Variants in ELOVL5 observed in about 807,000 individuals in gnomAD.
ELOVL5 encodes ELOVL fatty acid elongase 5, also known as very long chain fatty acid elongase 5.
A neutral mutation model predicts 38.6 loss-of-function variants in ELOVL5; 8 were observed. The observed-to-expected ratio is 0.21, with a 90% CI of 0.12 to 0.37. The LOEUF is 0.37. Ranked by LOEUF, ELOVL5 falls within the 10% of genes least tolerant of loss-of-function variation. The probability of loss-of-function intolerance (pLI) is 1.00; values close to 1 mark genes in which losing one functional copy is unlikely to be tolerated. For synonymous variants in ELOVL5, 127 were observed against 133.7 expected (o/e 0.95, Z 0.34); for missense variants, 280 against 367.8 (o/e 0.76, Z 1.95).
At chr6:53,333,582 G>T (rs1403689774) in intron 1 of ELOVL5, among the ~76,000 whole-genome samples, 2 of 152,092 alleles carry the variant, frequency 1.3e-5, no homozygotes, top group African/African-American at 4.8e-5. Flanking sequence ...TAATGTAAAT[G>T]AATACTCACA....
intron 1 of ELOVL5, among the ~76,000 whole-genome samples, chr6:53,336,603 A>G (rs186983246): frequency 2.3e-4 from 35 of 152,302 alleles, no homozygotes; most frequent in African/African-American, 8.2e-4. Flanking sequence ...TTGAGGCTGC[A>G]ATGAGCTGAG....
At chr6:53,310,187 G>A (rs1489537012) in intron 1 of ELOVL5, among the ~76,000 whole-genome samples, 1 of 152,208 alleles carries the variant, frequency 6.6e-6, no homozygotes, top group Non-Finnish European at 1.5e-5. Context: ...GAACTGGGAA[G>A]AGAAGTGAAA....
chr6:53,348,358 C>T (rs1169428994), intron 1 of ELOVL5, among the ~76,000 whole-genome samples: 2 of 151,874 alleles, frequency 1.3e-5, no homozygotes, highest in East Asian at 2.0e-4. Flanking sequence ...ACCCGGGTTT[C>T]GCCGACTCCA....
chr6:53,348,291 A>G (rs562985686), intron 1 of ELOVL5, among the ~76,000 whole-genome samples: 1 of 152,228 alleles, frequency 6.6e-6, no homozygotes, highest in South Asian at 2.1e-4. Context: ...GAAAGGCCGG[A>G]GAGTCCCCCC....
At chr6:53,299,231 AC>A (rs140814616) in intron 1 of ELOVL5, among the ~76,000 whole-genome samples, 1,839 of 152,376 alleles carry the variant, frequency 0.012, 25 homozygotes, top group African/African-American at 0.041. Context: ...CAAAATTCAA[AC>A]AAAAGTATTC....
At chr6:53,272,360 C>G (rs142572520) in intron 6 of ELOVL5, among the ~76,000 whole-genome samples, 1 of 152,212 alleles carries the variant, frequency 6.6e-6, no homozygotes, top group African/African-American at 2.4e-5. Context: ...TGGTCTTAAA[C>G]TCCTGGCCTC....
chr6:53,342,260 G>A (rs1248399158), intron 1 of ELOVL5, among the ~76,000 whole-genome samples: 1 of 152,186 alleles, frequency 6.6e-6, no homozygotes, highest in Non-Finnish European at 1.5e-5. Context: ...TACCCCTAGG[G>A]AGATACATCA....
In ELOVL5 at chr6:53,274,325, C is replaced by CT. The variant is rs901792670; in HGVS notation, c.496+764dup. ...ACCCAAAGGATCTGTATTTGGAAAGCTTTTTTTTTTTCCTAGCTCTGGAAT... is the reference window on the plus strand; with the variant it reads ...ACCCAAAGGATCTGTATTTGGAAAGCTTTTTTTTTTTTCCTAGCTCTGGAAT... On this transcript the variant is annotated intron_variant, in intron 5 of 7. Transcript: ENST00000304434. Among the ~76,000 whole-genome samples, 339 of 147,312 alleles carry CT rather than the reference C, an allele frequency of 2.3e-3. 1 individual carries two copies. Among genetic ancestry groups the CT allele is most frequent in the Middle Eastern group, 7.1e-3 (2 of 280 alleles).
chr6:53,294,764 T>C (rs1344045958), intron 2 of ELOVL5, among the ~76,000 whole-genome samples: 1 of 152,168 alleles, frequency 6.6e-6, no homozygotes, highest in African/African-American at 2.4e-5. Flanking sequence ...CTGACAGGCA[T>C]CCAGATGATT....
At chr6:53,314,787 G>T (rs545924352) in intron 1 of ELOVL5, among the ~76,000 whole-genome samples, 1 of 152,232 alleles carries the variant, frequency 6.6e-6, no homozygotes, top group African/African-American at 2.4e-5. Flanking sequence ...TGAAAGGCAA[G>T]AACATTTTAC....
chr6:53,335,524 T>C (rs1383317466), intron 1 of ELOVL5, among the ~76,000 whole-genome samples: 1 of 151,906 alleles, frequency 6.6e-6, no homozygotes, highest in East Asian at 1.9e-4. Flanking sequence ...CTGATTTAGG[T>C]GTCCTTCCTG....
At chr6:53,293,429 T>C (rs1194577490) in intron 2 of ELOVL5, among the ~76,000 whole-genome samples, 7 of 152,208 alleles carry the variant, frequency 4.6e-5, no homozygotes, top group African/African-American at 1.2e-4. Flanking sequence ...GCGATTCTCC[T>C]GCCTTAGCCT....
intron 1 of ELOVL5, among the ~76,000 whole-genome samples, chr6:53,323,850 G>A (rs866260927): frequency 2.6e-5 from 4 of 152,072 alleles, no homozygotes; most frequent in East Asian, 3.9e-4. Flanking sequence ...CGACCATTAC[G>A]GGCATGGGCC....
chr6:53,305,019 T>C (rs1309496628), intron 1 of ELOVL5, among the ~76,000 whole-genome samples: 1 of 149,374 alleles, frequency 6.7e-6, no homozygotes, highest in Non-Finnish European at 1.5e-5. Context: ...GAGGCGCCCC[T>C]CACCTCCCGG....
At position 53,270,728 on chromosome 6, in the gene ELOVL5, C is replaced by G; in HGVS notation, c.622-1G>C. The G allele has an allele frequency of 6.2e-7, 1 of 1,614,100 alleles. No homozygotes were observed. Among genetic ancestry groups the G allele is most frequent in the Non-Finnish European group, 8.5e-7 (1 of 1,179,992 alleles). On this transcript the variant is annotated splice_acceptor_variant, in intron 6 of 7. Coordinates refer to ENST00000304434, the MANE Select transcript of ELOVL5 (RefSeq NM_021814.5). LOFTEE classifies it high-confidence loss of function. ...GGATGATTGTCAGCACAAACTGAAG[C>G]TAGGGGAACAGAGGGGATGCAGCTG...
chr6:53,313,990 C>T (rs1002686798), intron 1 of ELOVL5, among the ~76,000 whole-genome samples: 2 of 152,228 alleles, frequency 1.3e-5, no homozygotes, highest in African/African-American at 4.8e-5. Context: ...GTGACGTCTT[C>T]TGTAACCCTC....
chr6:53,323,836 T>C (rs1207994795), intron 1 of ELOVL5, among the ~76,000 whole-genome samples: 2 of 152,134 alleles, frequency 1.3e-5, no homozygotes, highest in Non-Finnish European at 2.9e-5. Flanking sequence ...CATCGGGCCA[T>C]GCCCGACCAT....
At chr6:53,308,723 C>CT (rs1185534006) in intron 1 of ELOVL5, among the ~76,000 whole-genome samples, 1 of 152,028 alleles carries the variant, frequency 6.6e-6, no homozygotes, top group Admixed American at 6.5e-5. Flanking sequence ...CCCTGCCACC[C>CT]TTTAATTTTT....
At chr6:53,327,504 C>CAGATG (rs70980841) in intron 1 of ELOVL5, among the ~76,000 whole-genome samples, 51,583 of 151,632 alleles carry the variant, frequency 0.34, 9,331 homozygotes, top group African/African-American at 0.48. Flanking sequence ...AGACAGAAAG[C>CAGATG]AGATGGGTGG....
Sources: allele counts gnomAD v4.1 joint callset (sites outside exome capture counted in the v4.1 genomes callset), GRCh38; gene constraint gnomAD v4.1.1; transcripts MANE v1.5; gene names NCBI Gene and HGNC (gene_info 2026-07-23, HGNC 2026-07-21).